SDF2: variants seen among roughly 807,000 people sequenced by gnomAD.
SDF2 encodes the protein stromal cell derived factor 2.
Under a neutral mutation model 20.5 loss-of-function variants are expected in SDF2, and 12 were observed. The observed-to-expected ratio is 0.58, with a 90% confidence interval of 0.37 to 0.95. The LOEUF (loss-of-function observed/expected upper bound fraction) is 0.95. Ranked by LOEUF, SDF2 falls within the 40% of genes least tolerant of loss-of-function variation. The pLI, the probability that SDF2 is intolerant of heterozygous loss-of-function variation, is 0.01. For missense variants in SDF2, 238 were observed against 263.1 expected, an observed-to-expected ratio of 0.90 and a Z score of 0.66; for synonymous variants, 100 against 101.0, an observed-to-expected ratio of 0.99 and a Z score of 0.06.
chr17:28,649,159 C>A lies in SDF2; in HGVS notation c.466G>T (p.Glu156Ter). 9 of 1,614,232 alleles carry A rather than the reference C, an allele frequency of 5.6e-6. No homozygotes were observed. Among genetic ancestry groups the A allele is most frequent in the Non-Finnish European group, 7.6e-6 (9 of 1,180,044 alleles). Residue 156 changes from glutamate (E) to a stop codon, truncating the protein, a stop_gained, in exon 3 of 3, where the codon GAG (glutamate) becomes TAG (stop). Coordinates refer to ENST00000247020, the MANE Select transcript of SDF2 (RefSeq NM_006923.4). LOFTEE classifies it high-confidence loss of function. ...TCTCCTGTGACAGACAGCAGTACCT[C>A]AGTGGAAGAGTGTTTGAACCGCACC... ...GEVRFKHSST[E>*]VLLSVTGEQY...
At chr17:28,660,744 G>C (rs1007403965) in intron 1 of SDF2, 1 of 156,678 alleles carries the variant, frequency 6.4e-6, no homozygotes, top group African/African-American at 2.4e-5. Flanking sequence ...TGGGTTTTGG[G>C]AATCATGAAC....
intron 1 of SDF2, among the ~76,000 whole-genome samples, chr17:28,657,326 C>T (rs1288103324): frequency 6.6e-6 from 1 of 152,040 alleles, no homozygotes; most frequent in East Asian, 1.9e-4. Flanking sequence ...AGGGGAGGAT[C>T]CCTTGAGTCC....
At chr17:28,651,541 C>T (rs1408803935) in intron 2 of SDF2, 4 of 152,156 alleles carry the variant, frequency 2.6e-5, no homozygotes, top group Non-Finnish European at 1.5e-5. Context: ...TTGTTTTCTC[C>T]TCTATAAAAT....
chr17:28,652,346 T>C (rs531105796), intron 2 of SDF2, among the ~76,000 whole-genome samples: 1 of 152,248 alleles, frequency 6.6e-6, no homozygotes, highest in African/African-American at 2.4e-5. Flanking sequence ...AGTCTCGCCC[T>C]GTCACCCAGG....
At chr17:28,661,672 C>G in intron 1 of SDF2, 54 bp downstream of exon 1, 1 of 1,579,846 alleles carries the variant, frequency 6.3e-7, no homozygotes. Context: ...GGCCCCGCCC[C>G]TCCAGAGCCT....
At chr17:28,657,220 CTG>C (rs1204717395) in intron 1 of SDF2, among the ~76,000 whole-genome samples, 1 of 152,068 alleles carries the variant, frequency 6.6e-6, no homozygotes, top group African/African-American at 2.4e-5. Context: ...GGGCAAGACT[CTG>C]TCTCAAAACA....
At chr17:28,657,309 GA>G (rs2071972345) in intron 1 of SDF2, among the ~76,000 whole-genome samples, 1 of 152,200 alleles carries the variant, frequency 6.6e-6, no homozygotes, top group Non-Finnish European at 1.5e-5. Context: ...AGCGCTTTGG[GA>G]AGGTGAGGGG....
chr17:28,654,636 T>C (rs1330896362), intron 2 of SDF2, among the ~76,000 whole-genome samples: 1 of 151,446 alleles, frequency 6.6e-6, no homozygotes, highest in Non-Finnish European at 1.5e-5. Flanking sequence ...ACCAATATGG[T>C]GAAAACCCAT....
intron 1 of SDF2, among the ~76,000 whole-genome samples, chr17:28,658,717 C>G (rs1333864003): frequency 6.6e-6 from 1 of 152,056 alleles, no homozygotes; most frequent in Non-Finnish European, 1.5e-5. Context: ...TCCCCCTTTT[C>G]TTTTCGACAA....
intron 1 of SDF2, among the ~76,000 whole-genome samples, chr17:28,658,458 T>G (rs936565570): frequency 1.3e-5 from 2 of 152,166 alleles, no homozygotes; most frequent in South Asian, 4.1e-4. Context: ...TGGTGATGAC[T>G]CTTAACGAGC....
intron 2 of SDF2, among the ~76,000 whole-genome samples, chr17:28,650,021 C>T (rs938195899): frequency 1.3e-5 from 2 of 152,008 alleles, no homozygotes; most frequent in African/African-American, 2.4e-5. Flanking sequence ...GGCGCAATCT[C>T]GGCTCACCAC....
At chr17:28,657,330 T>C (rs867834867) in intron 1 of SDF2, among the ~76,000 whole-genome samples, 1 of 152,076 alleles carries the variant, frequency 6.6e-6, no homozygotes, top group Admixed American at 6.6e-5. Flanking sequence ...GAGGATCCCT[T>C]GAGTCCAGGA....
intron 2 of SDF2, among the ~76,000 whole-genome samples, chr17:28,650,469 TTTC>T (rs1243918544): frequency 2.0e-5 from 3 of 152,064 alleles, no homozygotes; most frequent in African/African-American, 4.8e-5. Flanking sequence ...TAAAACAGAA[TTTC>T]TTTTTTTTTT....
At chr17:28,649,791 A>G (rs552557725) in intron 2 of SDF2, among the ~76,000 whole-genome samples, 18 of 150,404 alleles carry the variant, frequency 1.2e-4, no homozygotes, top group Admixed American at 1.0e-3. Flanking sequence ...GCACATGCCT[A>G]TGGTACCCAG....
At chr17:28,661,161 G>C (rs1278911899) in intron 1 of SDF2, 1 of 453,610 alleles carries the variant, frequency 2.2e-6, no homozygotes, top group African/African-American at 2.0e-5. Context: ...AGGAGGTTAA[G>C]GTTTGGGTAG....
At chr17:28,660,015 G>A (rs1034035786) in intron 1 of SDF2, among the ~76,000 whole-genome samples, 1 of 152,254 alleles carries the variant, frequency 6.6e-6, no homozygotes, top group African/African-American at 2.4e-5. Context: ...GAGGCAGGCA[G>A]ATCACTCGAG....
chr17:28,651,719 T>G (rs891409241), intron 2 of SDF2: 3 of 152,218 alleles, frequency 2.0e-5, no homozygotes, highest in Non-Finnish European at 4.4e-5. Flanking sequence ...CCCATCTTCC[T>G]TAAGGCCAAA....
chr17:28,661,548 G>A (rs962051966), intron 1 of SDF2, among the ~76,000 whole-genome samples, 178 bp downstream of exon 1: 1 of 152,178 alleles, frequency 6.6e-6, no homozygotes, highest in African/African-American at 2.4e-5. Context: ...CAAATATTAG[G>A]TGGTGTTGCG....
At chr17:28,653,540 C>T (rs1320394833) in intron 2 of SDF2, among the ~76,000 whole-genome samples, 4 of 152,182 alleles carry the variant, frequency 2.6e-5, no homozygotes, top group Non-Finnish European at 5.9e-5. Context: ...GGACCGGGCA[C>T]GGAGGCCTCA....
Sources: gnomAD v4.1 joint callset for allele counts (sites outside exome capture counted in the v4.1 genomes callset) on GRCh38, gnomAD v4.1.1 for gene constraint, MANE v1.5 for transcripts, NCBI Gene and HGNC (gene_info 2026-07-23, HGNC 2026-07-21) for gene names.